OAS1: variants seen among roughly 807,000 people sequenced by gnomAD.
OAS1 encodes 2'-5'-oligoadenylate synthase 1.
A neutral mutation model predicts 38.5 loss-of-function variants in OAS1; 24 were observed. The observed-to-expected ratio is 0.62, with a 90% CI of 0.45 to 0.88. The LOEUF is 0.88. Among genes scored for constraint, OAS1 ranks in the 40% least tolerant of loss-of-function variants. OAS1 has a pLI of 0.00. For missense variants in OAS1, 482 were observed against 493.9 expected (o/e 0.98, Z 0.23); for synonymous variants, 169 against 193.9 (o/e 0.87, Z 1.07).
intron 6 of OAS1, among the ~76,000 whole-genome samples, chr12:112,929,852 T>A (rs147103312): frequency 6.6e-6 from 1 of 152,322 alleles, no homozygotes; most frequent in Non-Finnish European, 1.5e-5. Context: ...GCACTTAGTG[T>A]GCGTGGCCTT....
chr12:112,919,703 T>C lies in OAS1; in HGVS notation c.*150T>C. 6.5e-7 allele frequency: 1 copy of C among 1,538,918 alleles called. No homozygotes were observed. Among genetic ancestry groups the C allele is most frequent in the Non-Finnish European group, 8.8e-7 (1 of 1,139,032 alleles). ...AACCCAGGTCTCCTGACTCCTGGCC[T>C]TCTATGCCCTCTATCCTATCATAGA... On this transcript the variant is annotated 3_prime_UTR_variant, in exon 6 of 6. Transcript: ENST00000202917.
chr12:112,932,372 AC>A (rs2043603299), downstream of OAS1: 1 of 154,980 alleles, frequency 6.5e-6, no homozygotes, highest in Non-Finnish European at 1.4e-5. Flanking sequence ...CAGGCAGATC[AC>A]TTGAGGCCAG....
At chr12:112,913,271 T>G (rs1275970777) in intron 3 of OAS1, among the ~76,000 whole-genome samples, 1 of 152,244 alleles carries the variant, frequency 6.6e-6, no homozygotes, top group Non-Finnish European at 1.5e-5. Flanking sequence ...TCTGGCTGCA[T>G]GTAAAAGTTT....
At position 112,916,698 on chromosome 12, in the gene OAS1, A is replaced by G. The variant is rs2043464651; in HGVS notation, c.844A>G (p.Ile282Val). 2.5e-6 allele frequency: 4 copies of G among 1,614,028 alleles called. No individual in the cohort carries two copies. The highest frequency in any genetic ancestry group is 1.7e-5 in the Admixed American group (1 of 59,996). ...WTKYYDFKNP[I>V]IEKYLRRQLT... ...AAAGTATTATGACTTTAAAAACCCC[A>G]TTATTGAAAAGTACCTGAGAAGGCA... Residue 282 changes from isoleucine (I) to valine (V), a missense_variant, in exon 4 of 6, where the codon ATT becomes GTT. Physicochemically the swap from Ile to Val is conservative, Grantham distance 29. Coordinates refer to ENST00000202917, the MANE Select transcript of OAS1 (RefSeq NM_016816.4).
chr12:112,926,026 A>G (rs57246395), intron 6 of OAS1, among the ~76,000 whole-genome samples: 5,770 of 152,288 alleles, frequency 0.038, 321 homozygotes, highest in African/African-American at 0.12. Context: ...GAGACTCCTC[A>G]GGGACAATTG....
chr12:112,930,211 C>A (rs777135776), intron 6 of OAS1, among the ~76,000 whole-genome samples: 17 of 152,136 alleles, frequency 1.1e-4, no homozygotes, highest in Admixed American at 4.6e-4. Context: ...TGTAAGCCTC[C>A]TGAGGCCTCC....
rs995952533 is a variant in OAS1 at position 112,931,879 on chromosome 12, T to C, written c.1169T>C (p.Val390Ala). 4 of 694,016 alleles carry C rather than the reference T, an allele frequency of 5.8e-6. No individual in the cohort carries two copies. The highest frequency in any genetic ancestry group is 1.0e-5 in the Non-Finnish European group (4 of 383,346). The allele number at this position is 694,016 out of a possible 1,614,324, so 43.0% of individuals were successfully genotyped here. A position where few individuals can be genotyped will look rare whatever the true frequency, so the allele number is the denominator to read the frequency against. Residue 390 changes from valine to alanine, a missense_variant and splice_region_variant, in exon 7 of 7, where the codon GTA becomes GCA. Transcript: ENST00000540589. Reference sequence around the variant, plus strand: ...ACACACTCCTTTCTTCATTTTCAGGTAAACCTCACACTGGTTGGCAGAAGG... The same window carrying C: ...ACACACTCCTTTCTTCATTTTCAGGCAAACCTCACACTGGTTGGCAGAAGG...
intron 4 of OAS1, 114 bp from the exon 5 acceptor site, chr12:112,917,433 A>G: frequency 7.1e-7 from 1 of 1,413,712 alleles, no homozygotes; most frequent in South Asian, 1.3e-5. Flanking sequence ...GCCCTTCCTC[A>G]TGTTCTGAGT....
chr12:112,931,016 A>G (rs1053783273), intron 6 of OAS1, among the ~76,000 whole-genome samples: 3 of 152,208 alleles, frequency 2.0e-5, no homozygotes, highest in Non-Finnish European at 2.9e-5. Flanking sequence ...GATGGGTTCC[A>G]TATTTACACC....
chr12:112,914,730 G>GTTTTTTTTTTTTT, intron 3 of OAS1, among the ~76,000 whole-genome samples: 1 of 118,498 alleles, frequency 8.4e-6, no homozygotes, highest in Non-Finnish European at 1.8e-5. Context: ...GTTGGTATTT[G>GTTTTTTTTTTTTT]TTTTTTTTTT....
In OAS1 at chr12:112,919,692, GAC is replaced by G; in HGVS notation, c.*140_*141del. ...ATCCAGGACAGAACCCAGGTCTCCT[GAC>G]TCCTGGCCTTCTATGCCCTCTATCC... On this transcript the variant is annotated 3_prime_UTR_variant, in exon 6 of 6. Coordinates refer to ENST00000202917, the MANE Select transcript of OAS1 (RefSeq NM_016816.4). 1.3e-6 allele frequency: 2 copies of G among 1,550,452 alleles called. No homozygotes were observed. Among genetic ancestry groups the G allele is most frequent in the Non-Finnish European group, 1.7e-6 (2 of 1,144,940 alleles).
intron 5 of OAS1, chr12:112,918,462 G>T (rs550448866): frequency 2.7e-5 from 9 of 338,560 alleles, no homozygotes; most frequent in Non-Finnish European, 5.4e-5. Flanking sequence ...ACGAGTGCCG[G>T]TGTCTTTTGA....
chr12:112,918,631 C>T lies in OAS1; in HGVS notation c.1039-758C>T, dbSNP rs970712551. On this transcript the variant is annotated intron_variant, in intron 5 of 5. Transcript: ENST00000202917. ...AGGCTCAGAGAGGTGAGGTCACTTG[C>T]TCAAGGACATCAGCTAACAAGTGGT... 8.8e-6 allele frequency: 4 copies of T among 455,664 alleles called. No individual in the cohort carries two copies. In the Admixed American group the frequency reaches 9.4e-5, roughly 11 times the overall value. The allele number at this position is 455,664 out of a possible 1,614,324, so 28.2% of individuals were successfully genotyped here.
chr12:112,927,166 C>T (rs558789221), intron 6 of OAS1, among the ~76,000 whole-genome samples: 9 of 152,134 alleles, frequency 5.9e-5, no homozygotes, highest in Non-Finnish European at 1.0e-4. Flanking sequence ...TCACAGGGTC[C>T]TGAGGCAACA....
At position 112,916,654 on chromosome 12, in the gene OAS1, A is replaced by G; in HGVS notation, c.800A>G (p.Gln267Arg). Residue 267 changes from glutamine to arginine, a missense_variant, in exon 4 of 6, where the codon CAA (glutamine) becomes CGA (arginine). Coordinates refer to ENST00000202917, the MANE Select transcript of OAS1 (RefSeq NM_016816.4). Reference protein sequence around the residue: ...TVLELVINYQQLCIYWTKYYD... With the variant: ...TVLELVINYQRLCIYWTKYYD... ...TTGGAATTAGTCATAAACTACCAGC[A>G]ACTCTGCATCTACTGGACAAAGTAT... 6.2e-7 allele frequency: 1 copy of G among 1,614,210 alleles called. No homozygotes were observed. The highest frequency in any genetic ancestry group is 8.5e-7 in the Non-Finnish European group (1 of 1,180,038).
downstream of OAS1, among the ~76,000 whole-genome samples, chr12:112,923,872 A>C (rs1359315570): frequency 1.4e-5 from 2 of 147,116 alleles, no homozygotes; most frequent in Non-Finnish European, 1.5e-5. Context: ...GCAAAAGAAT[A>C]AAATTGGACC....
intron 6 of OAS1, among the ~76,000 whole-genome samples, chr12:112,924,926 CAA>C (rs1294541741): frequency 6.6e-6 from 1 of 152,044 alleles, no homozygotes; most frequent in Admixed American, 6.5e-5. Flanking sequence ...GACAAATTCA[CAA>C]GATTTGGAAA....
downstream of OAS1, among the ~76,000 whole-genome samples, chr12:112,924,885 G>A (rs2043549401): frequency 6.6e-6 from 1 of 152,134 alleles, no homozygotes; most frequent in African/African-American, 2.4e-5. Flanking sequence ...GAAAGCTCTG[G>A]GGTGCTGTTG....
chr12:112,925,969 C>T (rs916377587), intron 6 of OAS1, among the ~76,000 whole-genome samples: 1 of 152,038 alleles, frequency 6.6e-6, no homozygotes, highest in African/African-American at 2.4e-5. Context: ...AAAGGTCTGC[C>T]CTGGGCCATG....
Sources: gnomAD v4.1 joint callset for allele counts (sites outside exome capture counted in the v4.1 genomes callset) on GRCh38, gnomAD v4.1.1 for gene constraint, MANE v1.5 for transcripts, NCBI Gene and HGNC (gene_info 2026-07-23, HGNC 2026-07-21) for gene names.